Variants in DAGLB observed in about 807,000 individuals in gnomAD.
DAGLB encodes diacylglycerol lipase-beta.
A neutral mutation model predicts 72.1 loss-of-function variants in DAGLB; 66 were observed. The observed-to-expected ratio is 0.92, with a 90% confidence interval of 0.75 to 1.12. The LOEUF (loss-of-function observed/expected upper bound fraction) is 1.12. DAGLB is among the 50% of genes most tolerant of loss of function. DAGLB has a pLI of 0.00. For missense variants in DAGLB, 1,065 were observed against 884.9 expected, an observed-to-expected ratio of 1.20 and a Z score of -2.58; for synonymous variants, 414 against 359.5, an observed-to-expected ratio of 1.15 and a Z score of -1.71.
intron 9 of DAGLB, among the ~76,000 whole-genome samples, chr7:6,419,090 T>C (rs112378143): frequency 6.7e-6 from 1 of 150,072 alleles, no homozygotes; most frequent in South Asian, 2.1e-4. Flanking sequence ...CCTTTTTTTT[T>C]TTTTTTTTTT....
At chr7:6,412,672 T>A (rs1409896834) in intron 13 of DAGLB, 139 bp downstream of exon 13, 5 of 963,140 alleles carry the variant, frequency 5.2e-6, no homozygotes, top group African/African-American at 1.6e-5. Flanking sequence ...GCCCAGAATC[T>A]GATCAGATGG....
Position 6,410,531 on chromosome 7 carries a change from G to A in DAGLB, c.1570-151C>T, listed in dbSNP as rs927291107. On this transcript the variant is annotated intron_variant, in intron 13 of 14. Coordinates refer to ENST00000297056, the MANE Select transcript of DAGLB (RefSeq NM_139179.4). ...TCCAGCAAAGATGCACCGGCGAGCT[G>A]TGCTGGGTGGCAGCCACCTCGGCTC... is the stretch of plus-strand genomic sequence containing the variant. 4.1e-6 allele frequency: 5 copies of A among 1,213,890 alleles called. No homozygotes were observed. The African/African-American group carries it at 7.7e-5, about 19-fold the overall frequency. The allele number at this position is 1,213,890 out of a possible 1,614,324, so 75.2% of individuals were successfully genotyped here. A position where few individuals can be genotyped will look rare whatever the true frequency, so the allele number is the denominator to read the frequency against.
chr7:6,432,276 G>C (rs1304077139), intron 5 of DAGLB, among the ~76,000 whole-genome samples: 3 of 149,832 alleles, frequency 2.0e-5, no homozygotes, highest in South Asian at 4.2e-4. Context: ...CACCCGGGAG[G>C]TGGAAGTTGT....
chr7:6,420,106 CA>C (rs1246636630), intron 9 of DAGLB, among the ~76,000 whole-genome samples: 2 of 152,086 alleles, frequency 1.3e-5, no homozygotes, highest in Non-Finnish European at 2.9e-5. Context: ...ATGATCACAC[CA>C]CTGCACTCAA....
chr7:6,414,520 C>A (rs541152210), intron 11 of DAGLB, among the ~76,000 whole-genome samples: 5 of 151,882 alleles, frequency 3.3e-5, no homozygotes, highest in Admixed American at 3.3e-4. Flanking sequence ...AGGCTGGTCT[C>A]GATCTCCTGG....
Position 6,446,084 on chromosome 7 carries a change from A to G in DAGLB, c.116T>C (p.Leu39Ser), listed in dbSNP as rs745575925. 3 of 1,593,680 alleles carry G rather than the reference A, an allele frequency of 1.9e-6. No individual in the cohort carries two copies. Among genetic ancestry groups the G allele is most frequent in the Non-Finnish European group, 2.6e-6 (3 of 1,173,740 alleles). Residue 39 changes from leucine to serine, a missense_variant, in exon 2 of 15, where the codon TTG (leucine) becomes TCG (serine). Coordinates refer to ENST00000297056, the MANE Select transcript of DAGLB (RefSeq NM_139179.4). ...RVLWWIGILT[L>S]YLMHRGKLDC... Reference sequence around the variant, plus strand: ...CAGCTTTCCTCTGTGCATGAGATACAACGTCAGAATGCCAATCCACCTGGC... The same window carrying G: ...CAGCTTTCCTCTGTGCATGAGATACGACGTCAGAATGCCAATCCACCTGGC...
At chr7:6,446,933 C>G (rs1323869123) in intron 1 of DAGLB, among the ~76,000 whole-genome samples, 1 of 152,016 alleles carries the variant, frequency 6.6e-6, no homozygotes, top group Admixed American at 6.6e-5. Flanking sequence ...TCGCTTGAGC[C>G]CAGGAGGTTG....
chr7:6,422,660 G>A (rs1562481967), intron 8 of DAGLB: 2 of 152,860 alleles, frequency 1.3e-5, no homozygotes, highest in Non-Finnish European at 2.9e-5. Flanking sequence ...CGCATGGTCT[G>A]ATGCGACGGT....
At chr7:6,417,618 C>A (rs1016668577) in intron 9 of DAGLB, 2 of 151,946 alleles carry the variant, frequency 1.3e-5, no homozygotes, top group African/African-American at 2.4e-5. Flanking sequence ...GTGGCTCACA[C>A]CTACAATCTG....
At chr7:6,428,723 G>A (rs1288479497) in intron 6 of DAGLB, among the ~76,000 whole-genome samples, 2 of 152,190 alleles carry the variant, frequency 1.3e-5, no homozygotes, top group African/African-American at 4.8e-5. Flanking sequence ...CTGACCTCAG[G>A]TGATCAGCCC....
chr7:6,433,594 C>T (rs766352493), intron 4 of DAGLB, among the ~76,000 whole-genome samples: 9 of 152,312 alleles, frequency 5.9e-5, no homozygotes, highest in South Asian at 2.1e-4. Context: ...AATCCCAGCA[C>T]TTTGGGAGGC....
rs149594736 is a variant in DAGLB at position 6,409,808 on chromosome 7, G to A, written c.*29C>T. 1.1e-5 allele frequency: 17 copies of A among 1,605,572 alleles called. No individual in the cohort carries two copies. Among genetic ancestry groups the A allele is most frequent in the East Asian group, 2.2e-5 (1 of 44,696 alleles). ...TTAAGGACAAAAGCGTGAGTCCATC[G>A]TTCCTGGGACAGTTTCCAGTGGCCC... On this transcript the variant is annotated 3_prime_UTR_variant, in exon 15 of 15. Coordinates refer to ENST00000297056, the MANE Select transcript of DAGLB (RefSeq NM_139179.4).
At chr7:6,436,633 T>C (rs1583298814) in intron 2 of DAGLB, 100 bp from the exon 3 acceptor site, 22 of 1,442,868 alleles carry the variant, frequency 1.5e-5, no homozygotes, top group East Asian at 2.3e-5. Context: ...ACATTTGTAC[T>C]GTGCACACCC....
In DAGLB at chr7:6,424,893, A is replaced by G. The variant is rs73676747; in HGVS notation, c.1057-58T>C. The G allele has an allele frequency of 2.3e-3, 3,542 of 1,565,294 alleles. 81 individuals are homozygous for G. The African/African-American group carries it at 0.043, about 19-fold the overall frequency. On this transcript the variant is annotated intron_variant, in intron 7 of 14. Coordinates refer to ENST00000297056, the MANE Select transcript of DAGLB (RefSeq NM_139179.4). ...ACAGTGAACACACGCACCAGCACGC[A>G]AAGTCGGAGCCCTGCAGTGTCTGCA...
chr7:6,410,403 A>G (rs1392904626), intron 13 of DAGLB, 23 bp from the exon 14 acceptor site: 1 of 1,581,396 alleles, frequency 6.3e-7, no homozygotes, highest in Non-Finnish European at 8.6e-7. Flanking sequence ...CCCAATCAGT[A>G]GAATGCTGTC....
Position 6,446,008 on chromosome 7 carries a change from A to G in DAGLB, c.192T>C (p.Ile64=), listed in dbSNP as rs1161714181. 3 of 1,613,872 alleles carry G rather than the reference A, an allele frequency of 1.9e-6. No homozygotes were observed. In the South Asian group the frequency reaches 3.3e-5, roughly 18 times the overall value. The change falls in exon 2 of 15, where the codon ATT becomes ATC. Residue 64 remains isoleucine (I), a synonymous_variant. Coordinates refer to ENST00000297056, the MANE Select transcript of DAGLB (RefSeq NM_139179.4). The part of the protein sequence containing the change: ...LLSSYLIVLM[I]LLAVVICTVS... ...CAGTACATATGACAACTGCCAGGAG[A>G]ATCATGAGGACGATCAAGTAACTGC...
intron 5 of DAGLB, 44 bp from the exon 6 acceptor site, chr7:6,430,651 T>G: frequency 6.7e-7 from 1 of 1,492,778 alleles, no homozygotes; most frequent in Non-Finnish European, 9.0e-7. Flanking sequence ...AGGGAACTCC[T>G]GACACAGAGG....
rs1302898320 is a variant in DAGLB, at chr7:6,447,894, G to T, written c.-52C>A. On this transcript the variant is annotated 5_prime_UTR_variant, in exon 1 of 15. Coordinates refer to ENST00000297056, the MANE Select transcript of DAGLB (RefSeq NM_139179.4). ...GGAGAGACCCCGCGCGCCGTTCACC[G>T]AGAACAAACCAGCACCCTCCGGACG... 4.5e-6 allele frequency: 7 copies of T among 1,550,526 alleles called. No individual in the cohort carries two copies. The highest frequency in any genetic ancestry group is 6.1e-6 in the Non-Finnish European group (7 of 1,154,054).
intron 14 of DAGLB, 44 bp downstream of exon 14, chr7:6,410,086 G>A (rs200924183): frequency 3.8e-5 from 60 of 1,586,250 alleles, no homozygotes; most frequent in African/African-American, 9.4e-5. Flanking sequence ...GGCTGACCCC[G>A]CGCTGCTCCT....
Sources: gnomAD v4.1 joint callset for allele counts (sites outside exome capture counted in the v4.1 genomes callset) on GRCh38, gnomAD v4.1.1 for gene constraint, MANE v1.5 for transcripts, NCBI Gene and HGNC (gene_info 2026-07-23, HGNC 2026-07-21) for gene names.